Variants in CAMTA1 observed in about 807,000 individuals in gnomAD.
CAMTA1 encodes calmodulin-binding transcription activator 1.
A neutral mutation model predicts 170.9 loss-of-function variants in CAMTA1; 27 were observed. The observed-to-expected ratio is 0.16, with a 90% CI of 0.12 to 0.22. The LOEUF is 0.22. Ranked by LOEUF, CAMTA1 falls within the 10% of genes least tolerant of loss-of-function variation. The probability of loss-of-function intolerance (pLI) is 1.00; values close to 1 mark genes in which losing one functional copy is unlikely to be tolerated. For synonymous variants in CAMTA1, 833 were observed against 891.5 expected, an observed-to-expected ratio of 0.93 and a Z score of 1.17; for missense variants, 1,619 against 2,217.2, an observed-to-expected ratio of 0.73 and a Z score of 5.42.
At chr1:6,974,683 A>T (rs1372748049) in intron 3 of CAMTA1, among the ~76,000 whole-genome samples, 1 of 152,208 alleles carries the variant, frequency 6.6e-6, no homozygotes, top group Non-Finnish European at 1.5e-5. Context: ...CCTGGAAGAC[A>T]GTCTGTGCAT....
chr1:6,861,386 T>A (rs1385923504), intron 3 of CAMTA1, among the ~76,000 whole-genome samples: 1 of 152,250 alleles, frequency 6.6e-6, no homozygotes, highest in African/African-American at 2.4e-5. Flanking sequence ...GCAACTTTTC[T>A]TGTCACTGAG....
rs2095110356 is a variant in CAMTA1 at position 7,570,340 on chromosome 1, T to A, written c.511-70060T>A. 6.6e-6 allele frequency among the ~76,000 whole-genome samples: 1 copy of A among 152,212 alleles called. No homozygotes were observed. Among genetic ancestry groups the A allele is most frequent in the South Asian group, 2.1e-4 (1 of 4,832 alleles). On this transcript the variant is annotated intron_variant, in intron 6 of 22. Transcript: ENST00000303635. The surrounding 1 kb of genome is among the most constrained non-coding windows in gnomAD (Gnocchi z 4.3). ...TAGGTCAATTACACTGTAACCTGAA[T>A]TGGGGCCCTTTCAGAGAGGGCCGGA...
intron 3 of CAMTA1, among the ~76,000 whole-genome samples, chr1:6,968,127 A>G (rs1290231926): frequency 6.6e-6 from 1 of 152,184 alleles, no homozygotes; most frequent in African/African-American, 2.4e-5. Context: ...GAACCCACGA[A>G]TTCCGTTGGC....
At chr1:7,636,439 G>A (rs897051965) in intron 6 of CAMTA1, among the ~76,000 whole-genome samples, 3 of 152,106 alleles carry the variant, frequency 2.0e-5, no homozygotes, top group Non-Finnish European at 2.9e-5. Flanking sequence ...CTTCCCGGCC[G>A]GGTGCAGTGG....
At chr1:7,294,901 G>T (rs1485130138) in intron 5 of CAMTA1, among the ~76,000 whole-genome samples, 1 of 152,140 alleles carries the variant, frequency 6.6e-6, no homozygotes, top group African/African-American at 2.4e-5. Flanking sequence ...TGGTCCTCTC[G>T]CATCTGCCCC....
At chr1:7,119,452 T>C (rs779349832) in intron 4 of CAMTA1, among the ~76,000 whole-genome samples, 34 of 152,274 alleles carry the variant, frequency 2.2e-4, no homozygotes, top group Middle Eastern at 3.4e-3. Context: ...AGGACAGCAG[T>C]GAACAGCGGG....
intron 3 of CAMTA1, among the ~76,000 whole-genome samples, chr1:6,864,398 C>T (rs933399478): frequency 1.3e-5 from 2 of 152,194 alleles, no homozygotes; most frequent in Non-Finnish European, 2.9e-5. Context: ...CACCCAGATG[C>T]CAATGTGGTC....
At chr1:7,452,358 T>C (rs1162595250) in intron 5 of CAMTA1, among the ~76,000 whole-genome samples, 1 of 152,230 alleles carries the variant, frequency 6.6e-6, no homozygotes, top group Non-Finnish European at 1.5e-5. Context: ...TTCTTTTTGT[T>C]TGTTTTCATT....
In CAMTA1 at chr1:7,022,266, G is replaced by A. The variant is rs1448386552; in HGVS notation, c.235-69038G>A. ...CAGCCACTTATGCATTCCCAGCAGG[G>A]TACCTTTGATGCTGGGGGAAGGACT... On this transcript the variant is annotated intron_variant, in intron 3 of 22. Coordinates refer to ENST00000303635, the MANE Select transcript of CAMTA1 (RefSeq NM_015215.4). 2.0e-5 allele frequency among the ~76,000 whole-genome samples: 3 copies of A among 152,180 alleles called. No homozygotes were observed. Among genetic ancestry groups the A allele is most frequent in the Admixed American group, 6.5e-5 (1 of 15,282 alleles).
chr1:7,434,343 G>A (rs1025011547), intron 5 of CAMTA1, among the ~76,000 whole-genome samples: 2 of 152,174 alleles, frequency 1.3e-5, no homozygotes, highest in Admixed American at 1.3e-4. Context: ...CTGCACAGAC[G>A]CTGGCCTTCT....
rs896782469 is a variant in CAMTA1, at chr1:7,407,853, G to T, written c.439-59977G>T. The stretch of plus-strand genomic sequence containing the variant: ...GGCCTGGGGACAGTCCCCCAGGAAG[G>T]GAGGGAGCCAGGGCCATCTTGCATT... On this transcript the variant is annotated intron_variant, in intron 5 of 22. Coordinates refer to ENST00000303635, the MANE Select transcript of CAMTA1 (RefSeq NM_015215.4). Among the ~76,000 whole-genome samples, 26 of 152,000 alleles carry T rather than the reference G, an allele frequency of 1.7e-4. 1 individual carries two copies. The highest frequency in any genetic ancestry group is 2.9e-5 in the Non-Finnish European group (2 of 67,996).
chr1:6,955,687 G>A (rs767982730), intron 3 of CAMTA1, among the ~76,000 whole-genome samples: 10 of 152,260 alleles, frequency 6.6e-5, no homozygotes, highest in Admixed American at 3.3e-4. Context: ...CCCTAGCTCC[G>A]TGCCTGGTAA....
intron 4 of CAMTA1, among the ~76,000 whole-genome samples, chr1:7,151,958 T>C (rs984323684): frequency 3.9e-5 from 6 of 152,328 alleles, no homozygotes; most frequent in Middle Eastern, 3.4e-3. Flanking sequence ...CTTTATAATA[T>C]AGGAATTATT....
intron 6 of CAMTA1, among the ~76,000 whole-genome samples, chr1:7,622,282 G>C (rs2095604070): frequency 6.6e-6 from 1 of 152,236 alleles, no homozygotes; most frequent in African/African-American, 2.4e-5. Flanking sequence ...ACAAGGCCAA[G>C]AGGGGTTAAG....
At chr1:7,285,485 C>T (rs528683528) in intron 5 of CAMTA1, among the ~76,000 whole-genome samples, 6 of 152,296 alleles carry the variant, frequency 3.9e-5, no homozygotes, top group South Asian at 4.2e-4. Context: ...CAGTGGTTCT[C>T]GCCAAACTAT....
At chr1:6,916,754 A>G (rs890649594) in intron 3 of CAMTA1, among the ~76,000 whole-genome samples, 2 of 152,170 alleles carry the variant, frequency 1.3e-5, no homozygotes, top group African/African-American at 2.4e-5. Flanking sequence ...AAGTAGCCTC[A>G]CAGTAGATAC....
In CAMTA1 at chr1:7,665,698, G is replaced by C. The variant is rs1470183801; in HGVS notation, c.2652+499G>C. ...CCACTGCACTCCAGTCCGGATGACAGAGTGAAACCCTGTCTCAAAAAAAAA... is the reference window on the plus strand; with the variant it reads ...CCACTGCACTCCAGTCCGGATGACACAGTGAAACCCTGTCTCAAAAAAAAA... On this transcript the variant is annotated intron_variant, in intron 9 of 22. Transcript: ENST00000303635. The surrounding 1 kb of genome is among the most constrained non-coding windows in gnomAD (Gnocchi z 4.3). 6.6e-6 allele frequency among the ~76,000 whole-genome samples: 1 copy of C among 151,812 alleles called. No homozygotes were observed. The highest frequency in any genetic ancestry group is 2.4e-5 in the African/African-American group (1 of 41,316).
chr1:7,548,252 T>C (rs1483556924), intron 6 of CAMTA1, among the ~76,000 whole-genome samples: 2 of 152,200 alleles, frequency 1.3e-5, no homozygotes, highest in Non-Finnish European at 2.9e-5. Context: ...GGCACATGTC[T>C]ACAGTTTCCA....
At position 7,633,703 on chromosome 1, in the gene CAMTA1, G is replaced by T. The variant is rs1391967103; in HGVS notation, c.511-6697G>T. ...TATGCCCCCGGTTTTCAGTAAGTAG[G>T]ATGGAGCCCCTGCCATGTGGCTGCC... On this transcript the variant is annotated intron_variant, in intron 6 of 22. Transcript: ENST00000303635. The surrounding 1 kb of genome is among the most constrained non-coding windows in gnomAD (Gnocchi z 4.1). Among the ~76,000 whole-genome samples the T allele has an allele frequency of 6.6e-6, 1 of 152,252 alleles. No individual in the cohort carries two copies. The highest frequency in any genetic ancestry group is 6.5e-5 in the Admixed American group (1 of 15,290).
Sources: allele counts gnomAD v4.1 joint callset (sites outside exome capture counted in the v4.1 genomes callset), GRCh38; gene constraint gnomAD v4.1.1; non-coding constraint Gnocchi (gnomAD v3.1); transcripts MANE v1.5; gene names NCBI Gene and HGNC (gene_info 2026-07-23, HGNC 2026-07-21).